The following SNCAIP variants were observed in gnomAD, a reference collection of about 807,000 sequenced individuals.
SNCAIP encodes the protein synphilin-1.
SNCAIP carries 43 observed loss-of-function variants against 86.7 expected under a neutral mutation model. That is an observed-to-expected ratio of 0.50 (90% CI 0.39 to 0.64). SNCAIP has a LOEUF of 0.64. Among genes scored for constraint, SNCAIP ranks in the 30% least tolerant of loss-of-function variants. SNCAIP has a pLI of 0.00. For missense variants in SNCAIP, 981 were observed against 1,103.1 expected (o/e 0.89, Z 1.57); for synonymous variants, 417 against 427.2 (o/e 0.98, Z 0.29).
chr5:122,432,070 T>C lies in SNCAIP; in HGVS notation c.1284T>C (p.Gly428=), dbSNP rs1355272175. The part of the protein sequence containing the change: ...KDFPSLIHYA[G]CYGQEKILLW... ...TTCCAAGCCTTATTCATTACGCAGG[T>C]TGCTATGGCCAGGTATGAAGGAGTT... Residue 428 remains glycine (G), a synonymous_variant, in exon 6 of 11, where the codon GGT becomes GGC. Coordinates refer to ENST00000261368, the MANE Select transcript of SNCAIP (RefSeq NM_005460.4). 6.6e-7 allele frequency: 1 copy of C among 1,520,128 alleles called. No individual in the cohort carries two copies. Among genetic ancestry groups the C allele is most frequent in the East Asian group, 2.3e-5 (1 of 44,428 alleles). 94.2% of individuals were successfully genotyped at this position (1,520,128 alleles called of 1,614,324 possible).
chr5:122,409,029 G>A (rs1044102703), intron 3 of SNCAIP, among the ~76,000 whole-genome samples: 28 of 151,734 alleles, frequency 1.8e-4, no homozygotes, highest in African/African-American at 5.6e-4. Context: ...ATTTATTCCA[G>A]AGAACCATGT....
rs1162269178 is a variant in SNCAIP at position 122,450,579 on chromosome 5, G to C, written c.1732G>C (p.Asp578His). 4.3e-6 allele frequency: 7 copies of C among 1,613,974 alleles called. No homozygotes were observed. The highest frequency in any genetic ancestry group is 4.2e-6 in the Non-Finnish European group (5 of 1,179,998). The part of the protein sequence containing the change: ...ASRKSQWKSP[D>H]ADDDSVAKSK... Reference sequence around the variant, plus strand: ...CAGAAAGTCCCAGTGGAAATCTCCAGATGCAGATGATGATTCTGTAGCCAA... The same window carrying C: ...CAGAAAGTCCCAGTGGAAATCTCCACATGCAGATGATGATTCTGTAGCCAA... Residue 578 changes from aspartate (D) to histidine (H), a missense_variant, in exon 10 of 11, where the codon GAT (aspartate) becomes CAT (histidine). By Grantham distance (81) the Asp-to-His change is moderately conservative. Coordinates refer to ENST00000261368, the MANE Select transcript of SNCAIP (RefSeq NM_005460.4).
intron 8 of SNCAIP, among the ~76,000 whole-genome samples, chr5:122,446,110 A>T (rs1443688691): frequency 6.6e-6 from 1 of 152,190 alleles, no homozygotes; most frequent in Non-Finnish European, 1.5e-5. Flanking sequence ...GAAAATGCAC[A>T]CAAATTAATA....
At chr5:122,316,083 T>A (rs1470902053) in intron 1 of SNCAIP, among the ~76,000 whole-genome samples, 2 of 152,214 alleles carry the variant, frequency 1.3e-5, no homozygotes, top group African/African-American at 4.8e-5. Context: ...AAATTGAATG[T>A]CAAAGTACTT....
chr5:122,318,529 G>A (rs73279394), intron 1 of SNCAIP, among the ~76,000 whole-genome samples: 40,968 of 152,076 alleles, frequency 0.27, 6,581 homozygotes, highest in African/African-American at 0.46. Context: ...AAATAAATGA[G>A]AGAAAAATGT....
At chr5:122,398,976 T>C (rs1318935875) in intron 2 of SNCAIP, among the ~76,000 whole-genome samples, 1 of 152,166 alleles carries the variant, frequency 6.6e-6, no homozygotes, top group Non-Finnish European at 1.5e-5. Context: ...ATATCAACTC[T>C]GTGAAGTTTT....
At chr5:122,330,117 C>CCTTTTTTTTTTTTTTTTTTTTTTT (rs1415466705) in intron 1 of SNCAIP, among the ~76,000 whole-genome samples, 1 of 96,850 alleles carries the variant, frequency 1.0e-5, no homozygotes, top group African/African-American at 4.3e-5. Flanking sequence ...AACTTCATTT[C>CCTTTTTTTTTTTTTTTTTTTTTTT]TTTTTTTTTT....
chr5:122,415,058 T>C (rs371132704), intron 3 of SNCAIP, among the ~76,000 whole-genome samples: 1 of 152,226 alleles, frequency 6.6e-6, no homozygotes, highest in Non-Finnish European at 1.5e-5. Flanking sequence ...TAAAATAGGT[T>C]TAAATCTTTC....
chr5:122,333,464 C>G (rs1580844816), intron 1 of SNCAIP, among the ~76,000 whole-genome samples: 1 of 152,200 alleles, frequency 6.6e-6, no homozygotes, highest in East Asian at 1.9e-4. Flanking sequence ...AAAGCAAGAT[C>G]TAGTCCTTTG....
rs532124739 is a variant in SNCAIP at position 122,444,740 on chromosome 5, G to T, written c.1592+8G>T. On this transcript the variant is annotated splice_region_variant and intron_variant, in intron 8 of 10. Transcript: ENST00000261368. Reference sequence around the variant, plus strand: ...AACCAAGCAGCTAAAGGAGTAAGTGGCCTGTTGGTTCCATGAGAACCAAGT... The same window carrying T: ...AACCAAGCAGCTAAAGGAGTAAGTGTCCTGTTGGTTCCATGAGAACCAAGT... The T allele has an allele frequency of 1.2e-6, 2 of 1,612,446 alleles. No individual in the cohort carries two copies. Among genetic ancestry groups the T allele is most frequent in the Non-Finnish European group, 1.7e-6 (2 of 1,178,684 alleles).
intron 1 of SNCAIP, among the ~76,000 whole-genome samples, chr5:122,362,051 T>C (rs1171354244): frequency 6.6e-6 from 1 of 152,230 alleles, no homozygotes; most frequent in African/African-American, 2.4e-5. Flanking sequence ...TTTGCCTGCA[T>C]CAAATAATTT....
At chr5:122,342,416 C>T (rs938092424) in intron 1 of SNCAIP, among the ~76,000 whole-genome samples, 2 of 152,070 alleles carry the variant, frequency 1.3e-5, no homozygotes, top group Non-Finnish European at 2.9e-5. Flanking sequence ...AGAGATCTGG[C>T]GTCTCCACCA....
intron 1 of SNCAIP, among the ~76,000 whole-genome samples, chr5:122,332,256 A>G (rs921431377): frequency 6.6e-6 from 1 of 152,250 alleles, no homozygotes; most frequent in Non-Finnish European, 1.5e-5. Flanking sequence ...CCCACTTAAC[A>G]GTCGACCATC....
intron 1 of SNCAIP, among the ~76,000 whole-genome samples, chr5:122,334,231 C>T (rs556381999): frequency 1.3e-5 from 2 of 151,800 alleles, no homozygotes; most frequent in East Asian, 3.9e-4. Context: ...AAACAATGAC[C>T]CTGTGAGGTC....
intron 1 of SNCAIP, among the ~76,000 whole-genome samples, chr5:122,377,200 G>A (rs1408042623): frequency 6.6e-6 from 1 of 152,040 alleles, no homozygotes; most frequent in Non-Finnish European, 1.5e-5. Flanking sequence ...TAGCTGTATT[G>A]CATAAGACAG....
At chr5:122,375,749 T>A (rs902776507) in intron 1 of SNCAIP, among the ~76,000 whole-genome samples, 6 of 151,612 alleles carry the variant, frequency 4.0e-5, no homozygotes, top group Admixed American at 2.0e-4. Context: ...TGAAAAAAAA[T>A]AATAAAAATA....
intron 2 of SNCAIP, among the ~76,000 whole-genome samples, chr5:122,394,464 A>G (rs1770149021): frequency 6.6e-6 from 1 of 152,236 alleles, no homozygotes; most frequent in African/African-American, 2.4e-5. Context: ...CACAAAGTTT[A>G]AACTATACAT....
At chr5:122,315,992 T>C (rs1208511343) in intron 1 of SNCAIP, among the ~76,000 whole-genome samples, 1 of 152,180 alleles carries the variant, frequency 6.6e-6, no homozygotes, top group Non-Finnish European at 1.5e-5. Context: ...ATTGTGCTTT[T>C]GTAAGAAATA....
chr5:122,432,125 T>C (rs1778534386), intron 6 of SNCAIP, 43 bp downstream of exon 6: 1 of 835,376 alleles, frequency 1.2e-6, no homozygotes, highest in South Asian at 1.4e-5. Flanking sequence ...GTGTACCATA[T>C]AATCTTCCTA....
Sources: allele counts gnomAD v4.1 joint callset (sites outside exome capture counted in the v4.1 genomes callset), GRCh38; gene constraint gnomAD v4.1.1; transcripts MANE v1.5; gene names NCBI Gene and HGNC (gene_info 2026-07-23, HGNC 2026-07-21).